The following LYPLAL1 variants were observed in gnomAD, a reference collection of about 807,000 sequenced individuals.
LYPLAL1 encodes the protein lysophospholipase like 1.
LYPLAL1 carries 23 observed loss-of-function variants against 19.7 expected under a neutral mutation model. The ratio of observed to expected loss-of-function variants is 1.17; its 90% CI spans 0.84 to 1.65. LYPLAL1 has a LOEUF of 1.65. Ranked by LOEUF, LYPLAL1 falls within the 40% of genes most tolerant of loss-of-function variation. The probability of loss-of-function intolerance (pLI) is 0.00; values close to 1 mark genes in which losing one functional copy is unlikely to be tolerated. For missense variants in LYPLAL1, 355 were observed against 279.4 expected (o/e 1.27, Z -1.93); for synonymous variants, 119 against 96.3 (o/e 1.24, Z -1.38).
At chr1:219,182,236 GA>G (rs79508219) in intron 2 of LYPLAL1, among the ~76,000 whole-genome samples, 27,996 of 151,952 alleles carry the variant, frequency 0.18, 2,841 homozygotes, top group African/African-American at 0.28. Context: ...CTGGTTTCCA[GA>G]CTTCAGAATG....
the LYPLAL1 span, among the ~76,000 whole-genome samples, chr1:219,232,995 A>G: frequency 8.5e-5 from 13 of 152,232 alleles, no homozygotes; most frequent in Non-Finnish European, 1.3e-4. Flanking sequence ...TCAAACAATT[A>G]AAAATAGAAT....
the LYPLAL1 span, among the ~76,000 whole-genome samples, chr1:219,261,178 A>G: frequency 1.3e-5 from 2 of 152,318 alleles, no homozygotes; most frequent in East Asian, 1.9e-4. Context: ...AATGATAAGA[A>G]AAGTTCAAAT....
At chr1:219,222,518 A>T in the LYPLAL1 span, 1 of 152,208 alleles carries the variant, frequency 6.6e-6, no homozygotes, top group Admixed American at 6.5e-5. Context: ...TGCCATCTTC[A>T]AATGGATCAA....
At chr1:219,181,287 A>T (rs1656256626) in intron 2 of LYPLAL1, among the ~76,000 whole-genome samples, 1 of 152,148 alleles carries the variant, frequency 6.6e-6, no homozygotes, top group Non-Finnish European at 1.5e-5. Flanking sequence ...TAGGTTCCTC[A>T]AGTTGCCCTG....
At chr1:219,338,888 T>C in the LYPLAL1 span, among the ~76,000 whole-genome samples, 18 of 150,540 alleles carry the variant, frequency 1.2e-4, no homozygotes, top group Non-Finnish European at 1.8e-4. Flanking sequence ...TATATTACAT[T>C]AATTTTTGCA....
chr1:219,403,472 G>A, the LYPLAL1 span, among the ~76,000 whole-genome samples: 4 of 152,258 alleles, frequency 2.6e-5, no homozygotes, highest in African/African-American at 7.2e-5. Context: ...AGAGGGAGAA[G>A]CAGGGAACTG....
chr1:219,368,200 G>A, the LYPLAL1 span, among the ~76,000 whole-genome samples: 7 of 152,120 alleles, frequency 4.6e-5, no homozygotes. Flanking sequence ...AGGGGCTCAA[G>A]GACAATACCA....
rs369574592 is a variant in LYPLAL1 at position 219,187,417 on chromosome 1, G to A, written c.192-5665G>A. ...AATACTGCTTTTTTTTTTCACTGTG[G>A]TAATTTGGACTCTTTAAATGAAGTG... On this transcript the variant is annotated intron_variant, in intron 2 of 4. Coordinates refer to ENST00000366928, the MANE Select transcript of LYPLAL1 (RefSeq NM_138794.5). Among the ~76,000 whole-genome samples the A allele has an allele frequency of 9.9e-5, 15 of 151,340 alleles. 1 individual carries two copies. The East Asian group carries it at 1.7e-3, about 18-fold the overall frequency.
chr1:219,220,083 T>A, the LYPLAL1 span, among the ~76,000 whole-genome samples: 1 of 152,062 alleles, frequency 6.6e-6, no homozygotes, highest in Non-Finnish European at 1.5e-5. Flanking sequence ...TTGTGTCCCA[T>A]TTCAGAAGCT....
At chr1:219,416,567 C>G in the LYPLAL1 span, among the ~76,000 whole-genome samples, 1 of 152,120 alleles carries the variant, frequency 6.6e-6, no homozygotes, top group African/African-American at 2.4e-5. Flanking sequence ...CTTTTTGCAA[C>G]TCTATTTATA....
intron 2 of LYPLAL1, among the ~76,000 whole-genome samples, chr1:219,181,203 G>A (rs1383651268): frequency 1.3e-5 from 2 of 151,942 alleles, no homozygotes; most frequent in African/African-American, 4.8e-5. Flanking sequence ...TTGAAAATTG[G>A]CATGTTTTAC....
At chr1:219,268,766 C>T in the LYPLAL1 span, among the ~76,000 whole-genome samples, 2 of 152,212 alleles carry the variant, frequency 1.3e-5, no homozygotes, top group Non-Finnish European at 2.9e-5. Flanking sequence ...AAGCAGGCTT[C>T]ATTATTCTGT....
At chr1:219,355,580 T>G in the LYPLAL1 span, among the ~76,000 whole-genome samples, 1 of 152,118 alleles carries the variant, frequency 6.6e-6, no homozygotes, top group Non-Finnish European at 1.5e-5. Flanking sequence ...GTAAGGAATA[T>G]TACCAGAGAT....
chr1:219,289,896 T>C, the LYPLAL1 span, among the ~76,000 whole-genome samples: 1 of 152,214 alleles, frequency 6.6e-6, no homozygotes, highest in Non-Finnish European at 1.5e-5. Context: ...CCCTACCTTT[T>C]TCATCAGAGA....
At chr1:219,226,035 C>T in the LYPLAL1 span, among the ~76,000 whole-genome samples, 1 of 152,142 alleles carries the variant, frequency 6.6e-6, no homozygotes, top group African/African-American at 2.4e-5. Context: ...ATGCCTTGCC[C>T]AAGTGTCTAT....
the LYPLAL1 span, among the ~76,000 whole-genome samples, chr1:219,280,572 T>C: frequency 6.6e-6 from 1 of 152,186 alleles, no homozygotes; most frequent in South Asian, 2.1e-4. Context: ...TAATTATGCA[T>C]TCTGAACAAC....
At chr1:219,410,998 G>A in the LYPLAL1 span, among the ~76,000 whole-genome samples, 2 of 152,202 alleles carry the variant, frequency 1.3e-5, no homozygotes, top group African/African-American at 4.8e-5. Context: ...GCTCCATGGC[G>A]CCCAGTCCCA....
intron 3 of LYPLAL1, 92 bp from the exon 4 acceptor site, chr1:219,210,440 C>G (rs949184658): frequency 1.1e-6 from 1 of 897,312 alleles, no homozygotes; most frequent in East Asian, 2.8e-5. Context: ...TTAAAGGTCT[C>G]CAGATATTTT....
At chr1:219,222,299 G>C in the LYPLAL1 span, 1 of 152,168 alleles carries the variant, frequency 6.6e-6, no homozygotes, top group Non-Finnish European at 1.5e-5. Flanking sequence ...ATTTTGAGGG[G>C]TCAGTTTCTC....
Sources: allele counts gnomAD v4.1 joint callset (sites outside exome capture counted in the v4.1 genomes callset), GRCh38; gene constraint gnomAD v4.1.1; transcripts MANE v1.5; gene names NCBI Gene and HGNC (gene_info 2026-07-23, HGNC 2026-07-21).